Variants in GRIN2B observed in about 807,000 individuals in gnomAD.
GRIN2B encodes the protein glutamate ionotropic receptor NMDA type subunit 2B, also known as glutamate receptor ionotropic, NMDA 2B.
Under a neutral mutation model 114.5 loss-of-function variants are expected in GRIN2B, and 5 were observed. The ratio of observed to expected loss-of-function variants is 0.04; its 90% CI spans 0.02 to 0.09. The LOEUF is 0.09. GRIN2B is among the 10% of genes least tolerant of loss of function. The pLI is 1.00. For missense variants in GRIN2B, 1,108 were observed against 1,943.5 expected (o/e 0.57, Z 8.08); for synonymous variants, 787 against 745.1 (o/e 1.06, Z -0.92).
chr12:13,633,770 T>C (rs1220054528), intron 5 of GRIN2B, among the ~76,000 whole-genome samples: 1 of 152,186 alleles, frequency 6.6e-6, no homozygotes, highest in Non-Finnish European at 1.5e-5. Context: ...AGTGAAAAGA[T>C]AATCAACATT....
At chr12:13,601,308 C>G (rs1188908557) in intron 10 of GRIN2B, among the ~76,000 whole-genome samples, 1 of 152,176 alleles carries the variant, frequency 6.6e-6, no homozygotes, top group East Asian at 1.9e-4. Context: ...CTTTCGGCTT[C>G]TGGTGGCTCC....
Position 13,607,314 on chromosome 12 carries a change from ATATAAAATATAT to A in GRIN2B, c.2010+1277_2010+1288del, listed in dbSNP as rs1949276572. 7.0e-5 allele frequency among the ~76,000 whole-genome samples: 4 copies of A among 57,154 alleles called. 1 individual carries two copies. The highest frequency in any genetic ancestry group is 1.5e-4 in the African/African-American group (2 of 12,918). 37.5% of individuals were successfully genotyped at this position (57,154 alleles called of 152,430 possible). A position where few individuals can be genotyped will look rare whatever the true frequency, so the allele number is the denominator to read the frequency against. On this transcript the variant is annotated intron_variant, in intron 10 of 13. Transcript: ENST00000609686. ...TATATAAAAATATATATTATATATA[ATATAAAATATAT>A]AATATATATTATATATAATATATAA... is the stretch of plus-strand genomic sequence containing the variant.
intron 3 of GRIN2B, among the ~76,000 whole-genome samples, chr12:13,782,484 G>A (rs1370828292): frequency 2.0e-5 from 3 of 152,022 alleles, no homozygotes; most frequent in East Asian, 3.9e-4. Context: ...TCTTCTCAAG[G>A]GACAAATTTC....
At chr12:13,738,120 C>T (rs1863217689) in intron 4 of GRIN2B, among the ~76,000 whole-genome samples, 1 of 142,440 alleles carries the variant, frequency 7.0e-6, no homozygotes, top group South Asian at 2.5e-4. Flanking sequence ...GACAACCCAC[C>T]ATTTCTTTTC....
intron 13 of GRIN2B, 112 bp downstream of exon 13, chr12:13,566,913 T>C: frequency 1.2e-6 from 1 of 804,622 alleles, no homozygotes; most frequent in African/African-American, 1.7e-5. Context: ...TGTGGTTTCT[T>C]GCTTGAGCAA....
intron 4 of GRIN2B, among the ~76,000 whole-genome samples, chr12:13,690,544 G>A (rs1484589084): frequency 6.6e-6 from 1 of 151,874 alleles, no homozygotes; most frequent in South Asian, 2.1e-4. Context: ...CTTCATTCTT[G>A]CCCAGACTCT....
In GRIN2B at chr12:13,567,369, C is replaced by T; in HGVS notation, c.2360-106G>A. The T allele has an allele frequency of 9.3e-6, 7 of 752,344 alleles. 1 individual carries two copies. In the South Asian group the frequency reaches 1.1e-4, roughly 12 times the overall value. The allele number at this position is 752,344 out of a possible 1,614,324, so 46.6% of individuals were successfully genotyped here. A position where few individuals can be genotyped will look rare whatever the true frequency, so the allele number is the denominator to read the frequency against. ...GAGCAAGAAAGAGAAAGATACGTGA[C>T]AGAAAAAGAGACAAGGAGACAAAAA... On this transcript the variant is annotated intron_variant, in intron 12 of 13. Coordinates refer to ENST00000609686, the MANE Select transcript of GRIN2B (RefSeq NM_000834.5).
Position 13,912,564 on chromosome 12 carries a change from G to C in GRIN2B, c.-18-46338C>G, listed in dbSNP as rs536157642. 5.3e-5 allele frequency among the ~76,000 whole-genome samples: 8 copies of C among 152,270 alleles called. No homozygotes were observed. The South Asian group carries it at 1.7e-3, about 32-fold the overall frequency. ...TCCTGCTCGGAGCTCCGTACTTGTG[G>C]GCACAGGGTGCGGATGTAGCCTTGC... On this transcript the variant is annotated intron_variant, in intron 2 of 13. Transcript: ENST00000609686.
chr12:13,879,446 T>C (rs1866038068), intron 2 of GRIN2B, among the ~76,000 whole-genome samples: 1 of 151,670 alleles, frequency 6.6e-6, no homozygotes, highest in South Asian at 2.1e-4. Flanking sequence ...AATAAAAAGG[T>C]GATATTGCAA....
intron 10 of GRIN2B, among the ~76,000 whole-genome samples, chr12:13,605,659 A>C (rs1949237248): frequency 6.6e-6 from 1 of 151,984 alleles, no homozygotes; most frequent in African/African-American, 2.4e-5. Flanking sequence ...GAGGACAGAC[A>C]TGTGCATATC....
chr12:13,649,279 C>T (rs1321389104), intron 5 of GRIN2B, among the ~76,000 whole-genome samples: 4 of 151,990 alleles, frequency 2.6e-5, no homozygotes, highest in Admixed American at 6.6e-5. Flanking sequence ...GGGAGGGACT[C>T]GCTCTTCTCT....
At chr12:13,731,740 C>T (rs566721138) in intron 4 of GRIN2B, among the ~76,000 whole-genome samples, 1 of 152,298 alleles carries the variant, frequency 6.6e-6, no homozygotes, top group East Asian at 1.9e-4. Context: ...ATCCCAATGG[C>T]CACCAAAATT....
intron 2 of GRIN2B, among the ~76,000 whole-genome samples, chr12:13,933,618 G>A (rs1867077773): frequency 6.6e-6 from 1 of 152,194 alleles, no homozygotes; most frequent in Admixed American, 6.5e-5. Context: ...AAGGGTATCA[G>A]GTATCAGCCA....
intron 2 of GRIN2B, among the ~76,000 whole-genome samples, chr12:13,969,520 G>A (rs1402449084): frequency 6.6e-6 from 1 of 152,116 alleles, no homozygotes; most frequent in East Asian, 1.9e-4. Context: ...AAGATAATTG[G>A]CATAATCTAG....
intron 2 of GRIN2B, among the ~76,000 whole-genome samples, chr12:13,953,378 T>C (rs942904813): frequency 6.6e-6 from 1 of 152,180 alleles, no homozygotes; most frequent in Non-Finnish European, 1.5e-5. Context: ...CCAGGTCACA[T>C]TGCAGAGGAG....
chr12:13,664,406 A>G (rs1488843657), intron 5 of GRIN2B, among the ~76,000 whole-genome samples: 1 of 152,198 alleles, frequency 6.6e-6, no homozygotes, highest in African/African-American at 2.4e-5. Flanking sequence ...CCACATCTGT[A>G]TACCACCTAT....
intron 4 of GRIN2B, among the ~76,000 whole-genome samples, chr12:13,680,938 A>G (rs16909329): frequency 0.02 from 3,067 of 152,262 alleles, 108 homozygotes; most frequent in African/African-American, 0.071. Context: ...CTCAGAGCCA[A>G]TACATTTGCT....
intron 3 of GRIN2B, among the ~76,000 whole-genome samples, chr12:13,843,090 G>A (rs1203080182): frequency 1.8e-4 from 24 of 136,926 alleles, no homozygotes; most frequent in African/African-American, 6.6e-4. Context: ...TGTGCAGAAT[G>A]TGTAGGCTTG....
At position 13,546,279 on chromosome 12, in the gene GRIN2B, C is replaced by T. The variant is rs1260168583; in HGVS notation, c.*16504G>A. 6.6e-6 allele frequency: 1 copy of T among 152,178 alleles called. No individual in the cohort carries two copies. The highest frequency in any genetic ancestry group is 1.5e-5 in the Non-Finnish European group (1 of 68,028). The allele number at this position is 152,178 out of a possible 1,614,324, so 9.4% of individuals were successfully genotyped here. Reference sequence around the variant, plus strand: ...ATGGAAATCATTGGAGAGGGGCTGCCCTAAAGGTTTGTAGACAAGGTTTTG... The same window carrying T: ...ATGGAAATCATTGGAGAGGGGCTGCTCTAAAGGTTTGTAGACAAGGTTTTG... On this transcript the variant is annotated 3_prime_UTR_variant, in exon 14 of 14. Transcript: ENST00000609686.
Sources: allele counts gnomAD v4.1 joint callset (sites outside exome capture counted in the v4.1 genomes callset), GRCh38; gene constraint gnomAD v4.1.1; transcripts MANE v1.5; gene names NCBI Gene and HGNC (gene_info 2026-07-23, HGNC 2026-07-21).